SYNPR: variants seen among roughly 807,000 people sequenced by gnomAD.
SYNPR encodes the protein synaptoporin.
SYNPR carries 23 observed loss-of-function variants against 32.9 expected under a neutral mutation model. The ratio of observed to expected loss-of-function variants is 0.70; its 90% CI spans 0.50 to 0.99. SYNPR has a LOEUF of 0.99. SYNPR is among the 50% of genes least tolerant of loss of function. SYNPR has a pLI of 0.00. For missense variants in SYNPR, 318 were observed against 349.3 expected, an observed-to-expected ratio of 0.91 and a Z score of 0.71; for synonymous variants, 146 against 135.9, an observed-to-expected ratio of 1.07 and a Z score of -0.52.
chr3:63,549,670 C>T (rs944380358), intron 3 of SYNPR, among the ~76,000 whole-genome samples: 1 of 152,196 alleles, frequency 6.6e-6, no homozygotes, highest in African/African-American at 2.4e-5. Flanking sequence ...AGCAATGCCA[C>T]TTGTCTTGCT....
chr3:63,479,015 GC>G (rs1209497465), intron 2 of SYNPR, among the ~76,000 whole-genome samples: 1 of 152,126 alleles, frequency 6.6e-6, no homozygotes, highest in Non-Finnish European at 1.5e-5. Context: ...CACACCAGGG[GC>G]CTAAAGATGG....
At chr3:63,591,215 A>G (rs62250828) in intron 4 of SYNPR, among the ~76,000 whole-genome samples, 22,488 of 130,500 alleles carry the variant, frequency 0.17, 2,135 homozygotes, top group South Asian at 0.33. Context: ...AATGCTCATC[A>G]TCACTGGCCA....
At chr3:63,313,798 CAT>C (rs759894780) in intron 2 of SYNPR, among the ~76,000 whole-genome samples, 2 of 6,378 alleles carry the variant, frequency 3.1e-4, no homozygotes, top group African/African-American at 1.1e-3. Flanking sequence ...TATATATATC[CAT>C]ATATATATCC....
At chr3:63,558,341 T>G (rs1335903196) in intron 4 of SYNPR, among the ~76,000 whole-genome samples, 1 of 152,148 alleles carries the variant, frequency 6.6e-6, no homozygotes, top group Non-Finnish European at 1.5e-5. Flanking sequence ...AATTTTTACT[T>G]TTTGTTTTAT....
intron 2 of SYNPR, among the ~76,000 whole-genome samples, chr3:63,410,889 C>G (rs1325780693): frequency 6.6e-6 from 1 of 152,096 alleles, no homozygotes; most frequent in African/African-American, 2.4e-5. Flanking sequence ...GCAGTGTGAA[C>G]AGGAAGTTGT....
intron 2 of SYNPR, among the ~76,000 whole-genome samples, chr3:63,263,548 G>A (rs892395254): frequency 6.6e-6 from 1 of 152,184 alleles, no homozygotes; most frequent in East Asian, 1.9e-4. Flanking sequence ...ATCAACAGAG[G>A]AGGCTCACGT....
At chr3:63,345,013 T>C (rs994790831) in intron 2 of SYNPR, among the ~76,000 whole-genome samples, 2 of 152,322 alleles carry the variant, frequency 1.3e-5, no homozygotes, top group African/African-American at 4.8e-5. Flanking sequence ...GAAAAGTATC[T>C]CAAATACTAG....
the SYNPR span, among the ~76,000 whole-genome samples, chr3:63,208,621 T>A: frequency 6.6e-6 from 1 of 152,220 alleles, no homozygotes; most frequent in Non-Finnish European, 1.5e-5. Flanking sequence ...CAAGGGTTTC[T>A]CAAATACTGT....
chr3:63,462,807 C>A (rs895446695), intron 2 of SYNPR, among the ~76,000 whole-genome samples: 7 of 152,226 alleles, frequency 4.6e-5, no homozygotes, highest in Middle Eastern at 3.4e-3. Context: ...CAGTTACAAC[C>A]AATCTCTGCT....
the SYNPR span, among the ~76,000 whole-genome samples, chr3:63,207,782 T>A: frequency 3.0e-4 from 45 of 151,936 alleles, 1 homozygote; most frequent in South Asian, 6.3e-4. Flanking sequence ...TGCATTTTTT[T>A]AAAAAAAATG....
Position 63,615,352 on chromosome 3 carries a change from T to C in SYNPR, c.729T>C (p.Asn243=), listed in dbSNP as rs1345749163. 1.2e-6 allele frequency: 2 copies of C among 1,613,932 alleles called. No individual in the cohort carries two copies. The highest frequency in any genetic ancestry group is 4.5e-5 in the East Asian group (2 of 44,868). ...DPMEKHSSSY[N]QGGYNQDSYG... ...TGGAGAAGCACTCCAGCAGCTATAA[T>C]CAAGGTGGTTACAACCAAGACAGCT... Residue 243 remains asparagine, a synonymous_variant, in exon 6 of 6, where the codon AAT becomes AAC. Transcript: ENST00000478300.
chr3:63,340,442 C>A, intron 2 of SYNPR, among the ~76,000 whole-genome samples: 1 of 111,788 alleles, frequency 8.9e-6, no homozygotes. Flanking sequence ...TTTTTTGAGA[C>A]GGAGTCTCAC....
upstream of SYNPR, among the ~76,000 whole-genome samples, chr3:63,273,376 T>C (rs1469238204): frequency 1.3e-5 from 2 of 152,186 alleles, no homozygotes; most frequent in Non-Finnish European, 2.9e-5. Context: ...GAAGTAACAG[T>C]AGTATATACT....
intron 4 of SYNPR, among the ~76,000 whole-genome samples, chr3:63,569,640 CA>C (rs1702851388): frequency 6.6e-6 from 1 of 152,260 alleles, no homozygotes; most frequent in African/African-American, 2.4e-5. Context: ...ATCCCCAAGA[CA>C]GGCATGAATT....
intron 2 of SYNPR, among the ~76,000 whole-genome samples, chr3:63,372,887 G>A (rs1054198360): frequency 2.6e-5 from 4 of 152,166 alleles, no homozygotes; most frequent in Non-Finnish European, 4.4e-5. Flanking sequence ...AGGAAATATA[G>A]AGGAGCCATG....
chr3:63,611,949 A>G (rs969106857), intron 5 of SYNPR, among the ~76,000 whole-genome samples: 3 of 152,232 alleles, frequency 2.0e-5, no homozygotes, highest in African/African-American at 7.2e-5. Flanking sequence ...GTTTTGGAGT[A>G]GGAGGCATAC....
At position 63,559,716 on chromosome 3, in the gene SYNPR, T is replaced by TC. The variant is rs1460887787; in HGVS notation, c.408+2976dup. Among the ~76,000 whole-genome samples, 8 of 151,952 alleles carry TC rather than the reference T, an allele frequency of 5.3e-5. No individual in the cohort carries two copies. The East Asian group carries it at 1.5e-3, about 29-fold the overall frequency. On this transcript the variant is annotated intron_variant, in intron 4 of 5. Coordinates refer to ENST00000478300, the MANE Select transcript of SYNPR (RefSeq NM_001130003.2). ...CTTTGGGCAAGTGTTTTTTTTTTTTTCTATCTCAAATTTCAGTTAATAGTC... is the reference window on the plus strand; with the variant it reads ...CTTTGGGCAAGTGTTTTTTTTTTTTTCCTATCTCAAATTTCAGTTAATAGTC...
intron 2 of SYNPR, among the ~76,000 whole-genome samples, chr3:63,297,237 A>T (rs777720750): frequency 5.9e-5 from 9 of 152,210 alleles, no homozygotes; most frequent in Non-Finnish European, 1.0e-4. Flanking sequence ...ATCACACAAC[A>T]TTGGTGGCAG....
intron 4 of SYNPR, among the ~76,000 whole-genome samples, chr3:63,588,832 A>G (rs1045846966): frequency 6.6e-6 from 1 of 152,022 alleles, no homozygotes; most frequent in African/African-American, 2.4e-5. Flanking sequence ...ATCCACCCCA[A>G]ACCTCTTTAC....
Sources: gnomAD v4.1 joint callset for allele counts (sites outside exome capture counted in the v4.1 genomes callset) on GRCh38, gnomAD v4.1.1 for gene constraint, MANE v1.5 for transcripts, NCBI Gene and HGNC (gene_info 2026-07-23, HGNC 2026-07-21) for gene names.